Variants in PARPBP observed in about 807,000 individuals in gnomAD.
The protein encoded by PARPBP is PCNA-interacting partner.
A neutral mutation model predicts 50.0 loss-of-function variants in PARPBP; 52 were observed. That is an observed-to-expected ratio of 1.04 (90% CI 0.83 to 1.31). The LOEUF (loss-of-function observed/expected upper bound fraction) is 1.31, where lower values mean the gene tolerates loss of function less well. Ranked by LOEUF, PARPBP falls within the 50% of genes most tolerant of loss-of-function variation. The pLI is 0.00. For synonymous variants in PARPBP, 244 were observed against 232.1 expected, an observed-to-expected ratio of 1.05 and a Z score of -0.47; for missense variants, 697 against 672.0, an observed-to-expected ratio of 1.04 and a Z score of -0.41.
Position 102,196,196 on chromosome 12 carries a change from G to A in PARPBP, c.1645G>A (p.Gly549Ser), listed in dbSNP as rs372221272. 9.9e-6 allele frequency: 16 copies of A among 1,611,400 alleles called. No homozygotes were observed. The highest frequency in any genetic ancestry group is 1.3e-5 in the African/African-American group (1 of 74,766). ...AAATGATTCACAGAATAGATTGTAC[G>A]GCAAACTAGCTAAAGTAGCAAAAAG... ...KSNDSQNRLY[G>S]KLAKVAKSNK... The change falls in exon 11 of 11, where the codon GGC becomes AGC. Residue 549 changes from glycine (G) to serine (S), a missense_variant. Transcript: ENST00000327680.
intron 9 of PARPBP, among the ~76,000 whole-genome samples, chr12:102,183,466 A>G (rs1050859891): frequency 6.6e-6 from 1 of 152,044 alleles, no homozygotes; most frequent in African/African-American, 2.4e-5. Context: ...ATACCCATTT[A>G]GTTTATTTAT....
At chr12:102,169,178 A>G (rs1350252034) in intron 6 of PARPBP, among the ~76,000 whole-genome samples, 1 of 152,098 alleles carries the variant, frequency 6.6e-6, no homozygotes, top group East Asian at 1.9e-4. Flanking sequence ...TCTAATTATC[A>G]TAGTCTTTGG....
chr12:102,152,642 A>G (rs893084189), intron 3 of PARPBP, among the ~76,000 whole-genome samples: 1 of 152,202 alleles, frequency 6.6e-6, no homozygotes, highest in Non-Finnish European at 1.5e-5. Context: ...TAAAAATAAG[A>G]GAAGGTTATT....
chr12:102,148,955 A>AT (rs1555215152), intron 3 of PARPBP: 1 of 152,358 alleles, frequency 6.6e-6, no homozygotes, highest in East Asian at 1.9e-4. Flanking sequence ...TTGCACAAGC[A>AT]TTTTTTTAAT....
chr12:102,170,747 C>T (rs1565890807), intron 6 of PARPBP, among the ~76,000 whole-genome samples: 1 of 152,108 alleles, frequency 6.6e-6, no homozygotes, highest in Admixed American at 6.5e-5. Context: ...CTTGCTCTAA[C>T]TTTATGAACT....
chr12:102,164,373 A>G (rs114603577), intron 4 of PARPBP, 65 bp from the exon 5 acceptor site: 30,922 of 1,201,944 alleles, frequency 0.026, 536 homozygotes, highest in African/African-American at 0.069. Context: ...TTTACTGCTT[A>G]TGAAAAAGAT....
At chr12:102,155,600 G>C (rs865796698) in intron 4 of PARPBP, among the ~76,000 whole-genome samples, 4 of 125,360 alleles carry the variant, frequency 3.2e-5, no homozygotes, top group Non-Finnish European at 5.1e-5. Context: ...ATGGTGGGGG[G>C]GGGGGGCGGG....
At position 102,196,101 on chromosome 12, in the gene PARPBP, G is replaced by A. The variant is rs757239272; in HGVS notation, c.1550G>A (p.Gly517Asp). 1.6e-5 allele frequency: 25 copies of A among 1,611,876 alleles called. No homozygotes were observed. Among genetic ancestry groups the A allele is most frequent in the Non-Finnish European group, 2.0e-5 (24 of 1,178,582 alleles). Residue 517 changes from glycine (G) to aspartate (D), a missense_variant, in exon 11 of 11, where the codon GGT (glycine) becomes GAT (aspartate). Transcript: ENST00000327680. ...AAAAGGAAACAGGTGGATTTGGATG[G>A]TGAAAATATTCTCTGTGATAATAGA... ...SSKRKQVDLD[G>D]ENILCDNRNE...
At chr12:102,132,493 A>G (rs900938021) in intron 2 of PARPBP, among the ~76,000 whole-genome samples, 3 of 152,052 alleles carry the variant, frequency 2.0e-5, no homozygotes, top group Admixed American at 6.6e-5. Context: ...TTGGTTCTCA[A>G]TTCTGTTCCA....
intron 4 of PARPBP, among the ~76,000 whole-genome samples, chr12:102,159,985 CAAAT>C (rs1407997007): frequency 2.0e-5 from 3 of 152,134 alleles, no homozygotes; most frequent in African/African-American, 7.2e-5. Context: ...GTTTATTAAA[CAAAT>C]AAACAGAACA....
chr12:102,183,231 A>G (rs568662895), intron 9 of PARPBP, among the ~76,000 whole-genome samples: 2 of 152,268 alleles, frequency 1.3e-5, no homozygotes, highest in East Asian at 3.9e-4. Context: ...TCATACTTTT[A>G]TTGGGTATCT....
intron 2 of PARPBP, among the ~76,000 whole-genome samples, chr12:102,142,468 C>T (rs914562511): frequency 2.0e-5 from 3 of 152,182 alleles, no homozygotes; most frequent in Non-Finnish European, 2.9e-5. Flanking sequence ...TATTACCAAT[C>T]GTCTGAAGTC....
At chr12:102,133,331 G>T (rs1311442192) in intron 2 of PARPBP, among the ~76,000 whole-genome samples, 2 of 152,062 alleles carry the variant, frequency 1.3e-5, no homozygotes, top group African/African-American at 4.8e-5. Flanking sequence ...TATATCTAAT[G>T]TGTTGACAAT....
At chr12:102,127,422 A>G (rs1430987912) in intron 2 of PARPBP, among the ~76,000 whole-genome samples, 2 of 151,964 alleles carry the variant, frequency 1.3e-5, no homozygotes, top group African/African-American at 4.8e-5. Flanking sequence ...AAGAAATTAC[A>G]TTTATGTCAT....
At chr12:102,127,445 G>A (rs1043858659) in intron 2 of PARPBP, among the ~76,000 whole-genome samples, 2 of 151,802 alleles carry the variant, frequency 1.3e-5, no homozygotes, top group African/African-American at 4.8e-5. Flanking sequence ...ATGGAAGAGA[G>A]TGCCATTTTT....
chr12:102,185,856 G>A (rs1261308318), intron 9 of PARPBP, among the ~76,000 whole-genome samples: 7 of 152,016 alleles, frequency 4.6e-5, no homozygotes, highest in Non-Finnish European at 1.0e-4. Context: ...GTTTCACCAT[G>A]TTGGCCAGGC....
intron 5 of PARPBP, 30 bp downstream of exon 5, chr12:102,164,638 G>C: frequency 1.3e-6 from 2 of 1,589,222 alleles, no homozygotes; most frequent in Non-Finnish European, 1.7e-6. Flanking sequence ...TCAAAATTAA[G>C]ACTCCTTGCA....
intron 4 of PARPBP, among the ~76,000 whole-genome samples, chr12:102,160,163 A>G (rs779224089): frequency 5.9e-5 from 9 of 152,220 alleles, no homozygotes; most frequent in Non-Finnish European, 1.2e-4. Flanking sequence ...CATAACAGCC[A>G]TGTTATCTGA....
intron 6 of PARPBP, among the ~76,000 whole-genome samples, chr12:102,170,054 A>G (rs1888534008): frequency 6.6e-6 from 1 of 152,182 alleles, no homozygotes; most frequent in Non-Finnish European, 1.5e-5. Context: ...CCCACTGCCC[A>G]CTTTTCATGA....
Sources: gnomAD v4.1 joint callset for allele counts (sites outside exome capture counted in the v4.1 genomes callset) on GRCh38, gnomAD v4.1.1 for gene constraint, MANE v1.5 for transcripts, NCBI Gene and HGNC (gene_info 2026-07-23, HGNC 2026-07-21) for gene names.